FOXP2: variants seen among roughly 807,000 people sequenced by gnomAD.
FOXP2 encodes the protein forkhead box P2.
FOXP2 carries 12 observed loss-of-function variants against 115.8 expected under a neutral mutation model. The observed-to-expected ratio is 0.10, with a 90% CI of 0.07 to 0.17. FOXP2 has a LOEUF of 0.17. Ranked by LOEUF, FOXP2 falls within the 10% of genes least tolerant of loss-of-function variation. The pLI is 1.00. For missense variants in FOXP2, 629 were observed against 843.5 expected (o/e 0.75, Z 3.15); for synonymous variants, 328 against 297.7 (o/e 1.10, Z -1.05).
intron 1 of FOXP2, among the ~76,000 whole-genome samples, chr7:114,203,697 C>G (rs1259180191): frequency 6.6e-6 from 1 of 152,172 alleles, no homozygotes; most frequent in Non-Finnish European, 1.5e-5. Context: ...GGCTTACAAA[C>G]TGATATAGCT....
chr7:114,153,034 T>C (rs1332070478), intron 1 of FOXP2, among the ~76,000 whole-genome samples: 1 of 152,172 alleles, frequency 6.6e-6, no homozygotes. Context: ...AAAGTATTAT[T>C]TGTTTATAGA....
chr7:114,657,947 T>A lies in FOXP2; in HGVS notation c.1267-119T>A, dbSNP rs1374677746. On this transcript the variant is annotated intron_variant, in intron 10 of 16. Transcript: ENST00000350908. Reference sequence around the variant, plus strand: ...ATTAGTTGAGATTGGCTGCTTCCTTTTGCAGCTTATTAGTGGCAACACAGC... The same window carrying A: ...ATTAGTTGAGATTGGCTGCTTCCTTATGCAGCTTATTAGTGGCAACACAGC... The A allele has an allele frequency of 2.9e-6, 3 of 1,038,234 alleles. No individual in the cohort carries two copies. The East Asian group carries it at 7.3e-5, about 25-fold the overall frequency. 64.3% of individuals were successfully genotyped at this position (1,038,234 alleles called of 1,614,324 possible).
upstream of FOXP2, among the ~76,000 whole-genome samples, chr7:114,160,904 G>A (rs1225090764): frequency 1.3e-5 from 2 of 151,754 alleles, no homozygotes; most frequent in African/African-American, 4.8e-5. Context: ...GAAGAGTCTG[G>A]CATACTCCTC....
At chr7:114,152,111 G>A (rs983484506) in intron 1 of FOXP2, among the ~76,000 whole-genome samples, 1 of 152,058 alleles carries the variant, frequency 6.6e-6, no homozygotes, top group African/African-American at 2.4e-5. Flanking sequence ...ATCCCAGCAA[G>A]TAGGATTATT....
At chr7:114,464,821 CA>C (rs1180103499) in intron 2 of FOXP2, among the ~76,000 whole-genome samples, 1 of 152,146 alleles carries the variant, frequency 6.6e-6, no homozygotes, top group African/African-American at 2.4e-5. Context: ...ACCAAACAAA[CA>C]AAAAACCTGT....
chr7:114,612,901 C>T (rs1375109043), intron 3 of FOXP2, among the ~76,000 whole-genome samples: 1 of 152,116 alleles, frequency 6.6e-6, no homozygotes, highest in African/African-American at 2.4e-5. Context: ...ATTCTCTCTT[C>T]CTATATATAA....
At chr7:114,633,401 A>C (rs1805027752) in intron 6 of FOXP2, among the ~76,000 whole-genome samples, 1 of 152,176 alleles carries the variant, frequency 6.6e-6, no homozygotes, top group Admixed American at 6.5e-5. Context: ...GATAAGATAT[A>C]TGAGAGATAA....
rs141156179 is a variant in FOXP2 at position 114,285,849 on chromosome 7, A to G, written c.-101-2170A>G. On this transcript the variant is annotated intron_variant, in intron 1 of 17. Transcript: ENST00000634411. ...CTGAATATATAAGTATATGTTAACC[A>G]GTATTAATTCCTCATTGGTTTTAGG... Among the ~76,000 whole-genome samples, 1,120 of 152,086 alleles carry G rather than the reference A, an allele frequency of 7.4e-3. 24 individuals are homozygous for G. Among genetic ancestry groups the G allele is most frequent in the African/African-American group, 0.026 (1,063 of 41,546 alleles).
At chr7:114,180,006 G>A (rs1274715637) in intron 1 of FOXP2, among the ~76,000 whole-genome samples, 1 of 151,902 alleles carries the variant, frequency 6.6e-6, no homozygotes, top group East Asian at 1.9e-4. Flanking sequence ...TAAAGTACTG[G>A]CTGATTACCT....
intron 1 of FOXP2, among the ~76,000 whole-genome samples, chr7:114,234,419 T>G (rs1476762535): frequency 6.6e-6 from 1 of 152,176 alleles, no homozygotes; most frequent in Non-Finnish European, 1.5e-5. Context: ...AAAAAATAAT[T>G]TAAATAGCAT....
chr7:114,391,535 C>T (rs1338294819), intron 2 of FOXP2, among the ~76,000 whole-genome samples: 1 of 152,170 alleles, frequency 6.6e-6, no homozygotes, highest in Non-Finnish European at 1.5e-5. Flanking sequence ...GGGTATGGAA[C>T]ACATCTTATT....
intron 8 of FOXP2, among the ~76,000 whole-genome samples, chr7:114,649,897 G>A (rs936481551): frequency 2.6e-4 from 40 of 152,052 alleles, no homozygotes; most frequent in Admixed American, 6.6e-5. Context: ...TCATAACTAT[G>A]TGTCCTCGAA....
intron 16 of FOXP2, among the ~76,000 whole-genome samples, chr7:114,676,075 A>ATTTTTTTTTTT (rs11327459): frequency 4.3e-3 from 383 of 89,506 alleles, no homozygotes; most frequent in African/African-American, 9.2e-3. Flanking sequence ...AGGCCCGGCT[A>ATTTTTTTTTTT]TTTTTTTTTT....
intron 1 of FOXP2, among the ~76,000 whole-genome samples, chr7:114,091,654 G>A (rs756217854): frequency 4.0e-5 from 6 of 151,660 alleles, no homozygotes; most frequent in Non-Finnish European, 8.9e-5. Flanking sequence ...TTTACAGCTG[G>A]ATTCACTTTT....
At chr7:114,375,576 A>G (rs1360112532) in intron 2 of FOXP2, among the ~76,000 whole-genome samples, 2 of 152,160 alleles carry the variant, frequency 1.3e-5, no homozygotes, top group Non-Finnish European at 2.9e-5. Context: ...ATTGTTTCTG[A>G]GGGTCCAGTA....
At chr7:114,282,288 T>C (rs1796360019) in intron 1 of FOXP2, among the ~76,000 whole-genome samples, 1 of 152,188 alleles carries the variant, frequency 6.6e-6, no homozygotes, top group Non-Finnish European at 1.5e-5. Context: ...TTTATTAAGG[T>C]ATAGTTTAAA....
At chr7:114,580,393 C>T (rs1201962559) in intron 3 of FOXP2, among the ~76,000 whole-genome samples, 2 of 152,130 alleles carry the variant, frequency 1.3e-5, no homozygotes, top group Non-Finnish European at 2.9e-5. Flanking sequence ...GCCTGACCAA[C>T]ATGGTGAAAC....
chr7:114,429,700 T>A (rs1451823365), intron 2 of FOXP2, among the ~76,000 whole-genome samples: 1 of 151,582 alleles, frequency 6.6e-6, no homozygotes, highest in East Asian at 1.9e-4. Context: ...TATGAGACTG[T>A]ACTGCTTTGA....
intron 1 of FOXP2, among the ~76,000 whole-genome samples, chr7:114,248,200 G>GAGAC (rs1270062065): frequency 6.6e-6 from 1 of 151,488 alleles, no homozygotes; most frequent in Non-Finnish European, 1.5e-5. Flanking sequence ...GAGAGAGAGA[G>GAGAC]AGAGAGAGAG....
Sources: gnomAD v4.1 joint callset for allele counts (sites outside exome capture counted in the v4.1 genomes callset) on GRCh38, gnomAD v4.1.1 for gene constraint, MANE v1.5 for transcripts, NCBI Gene and HGNC (gene_info 2026-07-23, HGNC 2026-07-21) for gene names.